The following NKAIN2 variants were observed in gnomAD, a reference collection of about 807,000 sequenced individuals.
The protein encoded by NKAIN2 is sodium/potassium-transporting ATPase subunit beta-1-interacting protein 2.
Under a neutral mutation model 32.6 loss-of-function variants are expected in NKAIN2, and 14 were observed. The ratio of observed to expected loss-of-function variants is 0.43; its 90% CI spans 0.28 to 0.67. The LOEUF is 0.67. NKAIN2 is among the 30% of genes least tolerant of loss of function. The pLI is 0.17. For missense variants in NKAIN2, 198 were observed against 258.3 expected (o/e 0.77, Z 1.60); for synonymous variants, 80 against 87.2 (o/e 0.92, Z 0.46).
intron 3 of NKAIN2, among the ~76,000 whole-genome samples, chr6:124,538,412 G>C (rs1298898302): frequency 6.6e-6 from 1 of 151,854 alleles, no homozygotes; most frequent in African/African-American, 2.4e-5. Flanking sequence ...GAAAGAATCT[G>C]CTCTCCATCC....
intron 1 of NKAIN2, among the ~76,000 whole-genome samples, chr6:124,019,107 T>C (rs1780736031): frequency 6.6e-6 from 1 of 152,102 alleles, no homozygotes; most frequent in African/African-American, 2.4e-5. Flanking sequence ...CTCATGACAC[T>C]TATTCACTAT....
At chr6:124,602,452 G>T (rs1782344341) in intron 3 of NKAIN2, among the ~76,000 whole-genome samples, 1 of 151,812 alleles carries the variant, frequency 6.6e-6, no homozygotes, top group Non-Finnish European at 1.5e-5. Flanking sequence ...TTTATAATCT[G>T]TTATAAATCA....
intron 2 of NKAIN2, among the ~76,000 whole-genome samples, chr6:124,324,287 A>T (rs1797328960): frequency 6.6e-6 from 1 of 152,108 alleles, no homozygotes; most frequent in East Asian, 1.9e-4. Context: ...TTTCTTTCAT[A>T]AGTGTTTTGT....
intron 1 of NKAIN2, among the ~76,000 whole-genome samples, chr6:123,966,332 G>A (rs539766564): frequency 3.4e-4 from 51 of 152,146 alleles, no homozygotes; most frequent in Non-Finnish European, 5.9e-4. Context: ...CAGAAGATAC[G>A]AGCTTTAATT....
intron 4 of NKAIN2, among the ~76,000 whole-genome samples, chr6:124,707,505 G>T (rs1775155006): frequency 1.4e-5 from 2 of 143,248 alleles, no homozygotes; most frequent in Non-Finnish European, 3.0e-5. Flanking sequence ...AGCACCTGTT[G>T]TTTCCTGACT....
rs1348753104 is a variant in NKAIN2, at chr6:124,053,067, A to G, written c.55-229938A>G. On this transcript the variant is annotated intron_variant, in intron 1 of 6. Transcript: ENST00000368417. ...GGTGTGGTAAGAAGCAATTATAATT[A>G]ACTTTTAAATTTTATTTTATTATTA... 5.3e-5 allele frequency among the ~76,000 whole-genome samples: 8 copies of G among 152,156 alleles called. No homozygotes were observed. In the East Asian group the frequency reaches 1.5e-3, roughly 29 times the overall value.
chr6:124,047,163 A>G (rs1202954667), intron 1 of NKAIN2, among the ~76,000 whole-genome samples: 2 of 151,960 alleles, frequency 1.3e-5, no homozygotes, highest in Non-Finnish European at 2.9e-5. Context: ...AGACTCTCAC[A>G]TAAGTATAAT....
At chr6:124,505,815 T>C (rs1020241843) in intron 3 of NKAIN2, among the ~76,000 whole-genome samples, 1 of 152,100 alleles carries the variant, frequency 6.6e-6, no homozygotes, top group African/African-American at 2.4e-5. Flanking sequence ...TGTCCTTTAA[T>C]TGAGTGCCTG....
At chr6:124,097,071 G>T (rs1031574097) in intron 1 of NKAIN2, among the ~76,000 whole-genome samples, 2 of 151,992 alleles carry the variant, frequency 1.3e-5, no homozygotes, top group Non-Finnish European at 2.9e-5. Flanking sequence ...AATGATAGAA[G>T]CCTTCAAAAT....
At chr6:124,496,382 G>T (rs1275792149) in intron 3 of NKAIN2, among the ~76,000 whole-genome samples, 1 of 151,998 alleles carries the variant, frequency 6.6e-6, no homozygotes, top group African/African-American at 2.4e-5. Context: ...CCTGCTACAG[G>T]CAAGGCTATA....
intron 3 of NKAIN2, among the ~76,000 whole-genome samples, chr6:124,542,319 T>C (rs760017552): frequency 6.6e-6 from 1 of 152,098 alleles, no homozygotes; most frequent in Non-Finnish European, 1.5e-5. Flanking sequence ...TGGTGATGGG[T>C]GGGAGGAAAA....
intron 4 of NKAIN2, among the ~76,000 whole-genome samples, chr6:124,698,908 G>C (rs935113982): frequency 6.6e-6 from 1 of 152,118 alleles, no homozygotes; most frequent in Admixed American, 6.6e-5. Flanking sequence ...TTCTAGAGGG[G>C]TGTAGAGGTT....
rs547218663 is a variant in NKAIN2, at chr6:124,801,202, C to T, written c.535+9803C>T. Among the ~76,000 whole-genome samples the T allele has an allele frequency of 3.3e-5, 5 of 152,266 alleles. No homozygotes were observed. In the South Asian group the frequency reaches 1.0e-3, roughly 32 times the overall value. On this transcript the variant is annotated intron_variant, in intron 5 of 6. Coordinates refer to ENST00000368417, the MANE Select transcript of NKAIN2 (RefSeq NM_001040214.3). ...TTTCTGGAAACTCACTTAGTAAAAT[C>T]AATGCATAATAGTAACAAGCAGATG... is the stretch of plus-strand genomic sequence containing the variant.
At chr6:124,157,042 G>T (rs915162204) in intron 1 of NKAIN2, among the ~76,000 whole-genome samples, 1 of 132,570 alleles carries the variant, frequency 7.5e-6, no homozygotes, top group Non-Finnish European at 1.5e-5. Flanking sequence ...GGCAGAGGTT[G>T]CAGTGAGCCG....
chr6:124,238,245 C>T (rs752559347), intron 1 of NKAIN2, among the ~76,000 whole-genome samples: 3 of 151,786 alleles, frequency 2.0e-5, no homozygotes, highest in African/African-American at 4.8e-5. Context: ...AATTGAGAGA[C>T]GGGAGCTTTC....
intron 1 of NKAIN2, among the ~76,000 whole-genome samples, chr6:124,161,187 C>G (rs1330464221): frequency 6.6e-6 from 1 of 152,026 alleles, no homozygotes; most frequent in East Asian, 1.9e-4. Context: ...CTGAGGAGGC[C>G]TCAGGAAGCT....
intron 3 of NKAIN2, among the ~76,000 whole-genome samples, chr6:124,490,200 A>G (rs1777805583): frequency 6.6e-6 from 1 of 151,870 alleles, no homozygotes; most frequent in African/African-American, 2.4e-5. Context: ...TTCATGAATC[A>G]GCCAAGTTCC....
intron 3 of NKAIN2, among the ~76,000 whole-genome samples, chr6:124,589,756 A>T (rs1781840116): frequency 6.6e-6 from 1 of 152,058 alleles, no homozygotes; most frequent in Non-Finnish European, 1.5e-5. Context: ...GGTTTGCTGC[A>T]CCTATCAACT....
chr6:124,330,964 C>T (rs974699626), intron 2 of NKAIN2, among the ~76,000 whole-genome samples: 22 of 151,976 alleles, frequency 1.4e-4, no homozygotes, highest in Non-Finnish European at 2.4e-4. Flanking sequence ...AGTTTCATCC[C>T]GAAACCATCC....
Sources: gnomAD v4.1 joint callset for allele counts (sites outside exome capture counted in the v4.1 genomes callset) on GRCh38, gnomAD v4.1.1 for gene constraint, MANE v1.5 for transcripts, NCBI Gene and HGNC (gene_info 2026-07-23, HGNC 2026-07-21) for gene names.